SLC39A10: variants seen among roughly 807,000 people sequenced by gnomAD.
SLC39A10 encodes the protein zinc transporter ZIP10.
SLC39A10 carries 13 observed loss-of-function variants against 65.1 expected under a neutral mutation model. That is an observed-to-expected ratio of 0.20 (90% CI 0.13 to 0.32). The LOEUF is 0.32. Ranked by LOEUF, SLC39A10 falls within the 10% of genes least tolerant of loss-of-function variation. SLC39A10 has a pLI of 1.00. For missense variants in SLC39A10, 831 were observed against 1,018.4 expected, an observed-to-expected ratio of 0.82 and a Z score of 2.50; for synonymous variants, 321 against 342.2, an observed-to-expected ratio of 0.94 and a Z score of 0.68.
At chr2:195,719,247 C>A (rs527491554) in intron 8 of SLC39A10, among the ~76,000 whole-genome samples, 1 of 151,340 alleles carries the variant, frequency 6.6e-6, no homozygotes, top group East Asian at 2.0e-4. Context: ...CGCTTTGATT[C>A]GCTTTCCTGA....
At chr2:195,687,094 A>C (rs755834074) in intron 3 of SLC39A10, among the ~76,000 whole-genome samples, 1 of 152,058 alleles carries the variant, frequency 6.6e-6, no homozygotes, top group African/African-American at 2.4e-5. Flanking sequence ...GAATAGATAA[A>C]TTTGTCCTCT....
intron 2 of SLC39A10, among the ~76,000 whole-genome samples, chr2:195,637,584 G>C (rs919968778): frequency 3.3e-5 from 5 of 152,192 alleles, no homozygotes; most frequent in Non-Finnish European, 5.9e-5. Flanking sequence ...GAGAATAATG[G>C]TGGTCAAGAA....
chr2:195,624,767 T>C (rs1255828244), intron 2 of SLC39A10, among the ~76,000 whole-genome samples: 1 of 150,284 alleles, frequency 6.7e-6, no homozygotes, highest in Non-Finnish European at 1.5e-5. Context: ...TAATCCCAGC[T>C]ACTCAGGAGC....
At chr2:195,717,043 T>C in intron 7 of SLC39A10, 38 bp downstream of exon 7, 1 of 1,588,226 alleles carries the variant, frequency 6.3e-7, no homozygotes. Context: ...GCTAATCTTA[T>C]GGACTATAAT....
intron 2 of SLC39A10, among the ~76,000 whole-genome samples, chr2:195,631,283 A>G (rs1209335799): frequency 6.6e-6 from 1 of 151,994 alleles, no homozygotes; most frequent in Non-Finnish European, 1.5e-5. Flanking sequence ...TAGAATATAT[A>G]TACAGCTAAT....
At chr2:195,619,455 AGT>A (rs944639410) in intron 2 of SLC39A10, among the ~76,000 whole-genome samples, 2 of 152,178 alleles carry the variant, frequency 1.3e-5, no homozygotes, top group Non-Finnish European at 2.9e-5. Context: ...TAAAAGAATG[AGT>A]GTGGTTTTCG....
At chr2:195,663,791 C>CTT (rs112204862) in intron 1 of SLC39A10, among the ~76,000 whole-genome samples, 5 of 133,272 alleles carry the variant, frequency 3.8e-5, no homozygotes, top group Non-Finnish European at 8.1e-5. Flanking sequence ...TAGTTTTTTT[C>CTT]TTTTTTTTTT....
chr2:195,689,019 C>A (rs1690627172), intron 3 of SLC39A10, among the ~76,000 whole-genome samples: 1 of 152,122 alleles, frequency 6.6e-6, no homozygotes, highest in Admixed American at 6.5e-5. Context: ...TGTGACTCCA[C>A]CTCTATGAGG....
At chr2:195,730,729 T>C (rs1417741478) in intron 9 of SLC39A10, among the ~76,000 whole-genome samples, 1 of 152,210 alleles carries the variant, frequency 6.6e-6, no homozygotes, top group Non-Finnish European at 1.5e-5. Flanking sequence ...CAACTGTACT[T>C]GAATGTCTAA....
intron 2 of SLC39A10, among the ~76,000 whole-genome samples, chr2:195,638,029 A>C (rs761256704): frequency 6.6e-6 from 1 of 152,252 alleles, no homozygotes; most frequent in African/African-American, 2.4e-5. Context: ...ATATTATCAA[A>C]GATGCTAAAG....
At chr2:195,673,330 T>A (rs991823322) in intron 1 of SLC39A10, among the ~76,000 whole-genome samples, 7 of 152,156 alleles carry the variant, frequency 4.6e-5, no homozygotes, top group Admixed American at 2.0e-4. Flanking sequence ...CTAATTTTTT[T>A]TGTATTTTTT....
chr2:195,732,016 A>G (rs114512495), intron 9 of SLC39A10, among the ~76,000 whole-genome samples: 220 of 152,344 alleles, frequency 1.4e-3, no homozygotes, highest in African/African-American at 5.0e-3. Context: ...GAGAAAGGGA[A>G]GAAACTGTCC....
chr2:195,617,153 T>C (rs1688233677), intron 2 of SLC39A10, among the ~76,000 whole-genome samples: 1 of 152,256 alleles, frequency 6.6e-6, no homozygotes, highest in African/African-American at 2.4e-5. Flanking sequence ...TCCACCTTTT[T>C]ACTTTTAAGT....
chr2:195,685,851 A>C (rs923991017), intron 3 of SLC39A10, among the ~76,000 whole-genome samples: 1 of 152,332 alleles, frequency 6.6e-6, no homozygotes, highest in East Asian at 1.9e-4. Context: ...AATGAATACA[A>C]TTGCTTAATA....
intron 8 of SLC39A10, among the ~76,000 whole-genome samples, chr2:195,723,864 A>G (rs896863402): frequency 6.6e-6 from 1 of 152,162 alleles, no homozygotes; most frequent in Non-Finnish European, 1.5e-5. Context: ...GCATCACATA[A>G]TATACCTCTG....
rs190679276 is a variant in SLC39A10 at position 195,618,961 on chromosome 2, C to A, written c.-12+12728C>A. Reference sequence around the variant, plus strand: ...TACCAAAATTAGCCTGGCATGATGGCGGGTGCCTGTAATCCCAGCTACTCG... The same window carrying A: ...TACCAAAATTAGCCTGGCATGATGGAGGGTGCCTGTAATCCCAGCTACTCG... On this transcript the variant is annotated intron_variant, in intron 2 of 2. Coordinates refer to the SLC39A10 transcript ENST00000458054. Among the ~76,000 whole-genome samples, 177 of 151,886 alleles carry A rather than the reference C, an allele frequency of 1.2e-3. 1 individual carries two copies. Among genetic ancestry groups the A allele is most frequent in the East Asian group, 3.7e-3 (19 of 5,160 alleles).
intron 9 of SLC39A10, among the ~76,000 whole-genome samples, chr2:195,733,577 A>G (rs1213362033): frequency 1.3e-5 from 2 of 151,590 alleles, no homozygotes; most frequent in Non-Finnish European, 2.9e-5. Context: ...GTTGCCCAGG[A>G]CGGAGTACAG....
intron 1 of SLC39A10, chr2:195,674,543 C>G (rs775172001): frequency 2.0e-6 from 2 of 977,006 alleles, no homozygotes; most frequent in African/African-American, 1.8e-5. Flanking sequence ...TCCCAAAGTA[C>G]TGGGATTATA....
At chr2:195,616,580 C>G (rs141676449) in intron 2 of SLC39A10, among the ~76,000 whole-genome samples, 3,549 of 151,954 alleles carry the variant, frequency 0.023, 81 homozygotes, top group Non-Finnish European at 0.033. Context: ...GCTGGGGTTA[C>G]AGGCATGAGC....
Sources: allele counts gnomAD v4.1 joint callset (sites outside exome capture counted in the v4.1 genomes callset), GRCh38; gene constraint gnomAD v4.1.1; transcripts MANE v1.5; gene names NCBI Gene and HGNC (gene_info 2026-07-23, HGNC 2026-07-21).